Variants in DDX59 observed in about 807,000 individuals in gnomAD.
DDX59 encodes the protein probable ATP-dependent RNA helicase DDX59.
A neutral mutation model predicts 51.9 loss-of-function variants in DDX59; 30 were observed. That is an observed-to-expected ratio of 0.58 (90% CI 0.43 to 0.78). The LOEUF is 0.78. DDX59 is among the 30% of genes least tolerant of loss of function. The pLI is 0.00. For synonymous variants in DDX59, 255 were observed against 253.3 expected (o/e 1.01, Z -0.06); for missense variants, 672 against 730.8 (o/e 0.92, Z 0.93).
At chr1:200,668,222 G>A (rs1421966610) in intron 1 of DDX59, among the ~76,000 whole-genome samples, 2 of 152,012 alleles carry the variant, frequency 1.3e-5, no homozygotes, top group East Asian at 3.9e-4. Context: ...GCAGGAGAAT[G>A]GCGTGAACCC....
chr1:200,654,465 TG>T (rs918568908), intron 4 of DDX59: 4 of 152,098 alleles, frequency 2.6e-5, no homozygotes, highest in Admixed American at 6.5e-5. Context: ...TAGAGATTCC[TG>T]GCTCCAACTC....
chr1:200,658,431 A>G (rs1238965618), intron 4 of DDX59, among the ~76,000 whole-genome samples: 3 of 152,206 alleles, frequency 2.0e-5, no homozygotes, highest in Non-Finnish European at 4.4e-5. Flanking sequence ...ATGGTGGTTC[A>G]TGCCTATAAT....
chr1:200,662,446 G>A (rs994904587), intron 3 of DDX59, among the ~76,000 whole-genome samples: 2 of 152,140 alleles, frequency 1.3e-5, no homozygotes, highest in African/African-American at 4.8e-5. Context: ...CCTGAGCTCA[G>A]GAGTTTGAGA....
chr1:200,667,947 G>C (rs887633619), intron 1 of DDX59, among the ~76,000 whole-genome samples: 7 of 151,548 alleles, frequency 4.6e-5, no homozygotes, highest in Non-Finnish European at 7.4e-5. Context: ...ATGAAAAAAC[G>C]TGTGTGTGTG....
chr1:200,644,480 G>A lies in DDX59; in HGVS notation c.1634C>T (p.Ala545Val), dbSNP rs753527075. 5.0e-6 allele frequency: 8 copies of A among 1,597,552 alleles called. No individual in the cohort carries two copies. The highest frequency in any genetic ancestry group is 1.7e-4 in the Middle Eastern group (1 of 6,040). The change falls in exon 8 of 8, where the codon GCG becomes GTG. Residue 545 changes from alanine to valine, a missense_variant. Physicochemically the swap from Ala to Val is moderately conservative, Grantham distance 64. Transcript: ENST00000331314. ...RVGRLGQNGT[A>V]ITFINNNSKR... ...TGAATTATTATTGATGAAAGTAATC[G>A]CTGTTCCATTTTGACCTAATCTTCC...
chr1:200,646,205 G>A (rs1661282319), intron 7 of DDX59, among the ~76,000 whole-genome samples: 1 of 152,064 alleles, frequency 6.6e-6, no homozygotes, highest in Non-Finnish European at 1.5e-5. Context: ...GTGGTGGCAT[G>A]TACTTGTAGT....
chr1:200,667,258 G>A (rs934822572), intron 1 of DDX59, among the ~76,000 whole-genome samples: 2 of 152,066 alleles, frequency 1.3e-5, no homozygotes, highest in Admixed American at 6.6e-5. Flanking sequence ...AAAATTAGCT[G>A]GGCATGGTGG....
At chr1:200,662,095 A>G (rs1003315841) in intron 3 of DDX59, among the ~76,000 whole-genome samples, 1 of 152,194 alleles carries the variant, frequency 6.6e-6, no homozygotes, top group Non-Finnish European at 1.5e-5. Context: ...GGCAGAAGCC[A>G]CTATGCTTCC....
chr1:200,659,264 T>C (rs1662229320), intron 3 of DDX59, 148 bp from the exon 4 acceptor site: 2 of 608,300 alleles, frequency 3.3e-6, no homozygotes, highest in Non-Finnish European at 5.9e-6. Flanking sequence ...TAGTCTCTGC[T>C]CTCATGAAAC....
chr1:200,663,896 C>A, intron 3 of DDX59, 23 bp downstream of exon 3: 1 of 1,530,986 alleles, frequency 6.5e-7, no homozygotes, highest in Non-Finnish European at 8.8e-7. Flanking sequence ...TTTTCAAAGA[C>A]ATTGTATCAA....
At chr1:200,658,351 T>C (rs778123072) in intron 4 of DDX59, among the ~76,000 whole-genome samples, 13 of 151,210 alleles carry the variant, frequency 8.6e-5, no homozygotes, top group Admixed American at 4.0e-4. Flanking sequence ...ATATGTAACA[T>C]AGAAAATCAG....
chr1:200,665,053 T>G (rs939826329), intron 2 of DDX59, among the ~76,000 whole-genome samples: 14 of 152,234 alleles, frequency 9.2e-5, no homozygotes, highest in Admixed American at 6.5e-4. Context: ...GAAATAGTAA[T>G]TACTCAAAAT....
rs773629747 is a variant in DDX59, at chr1:200,666,447, C to T, written c.294G>A (p.Gln98=). The change falls in exon 2 of 8, where the codon CAG becomes CAA. Residue 98 remains glutamine, a synonymous_variant. Transcript: ENST00000331314. ...TGGGTTCCCCTGGTTCTGCCCAGCG[C>T]TGTGTTTTGGAAAATGACTTAACGG... ...EEPVKSFSKT[Q]RWAEPGEPIC... is the part of the protein sequence containing the mutation. The T allele has an allele frequency of 6.2e-7, 1 of 1,614,200 alleles. No individual in the cohort carries two copies.
intron 4 of DDX59, among the ~76,000 whole-genome samples, chr1:200,652,693 A>G (rs1661744903): frequency 7.8e-6 from 1 of 128,888 alleles, no homozygotes; most frequent in Admixed American, 8.4e-5. Context: ...TTTTTGAGAC[A>G]GGGTCTTGCT....
intron 3 of DDX59, among the ~76,000 whole-genome samples, chr1:200,663,642 A>T (rs1662515726): frequency 6.6e-6 from 1 of 152,200 alleles, no homozygotes; most frequent in African/African-American, 2.4e-5. Flanking sequence ...GGATTATGCC[A>T]ACCCACCTTC....
intron 4 of DDX59, among the ~76,000 whole-genome samples, chr1:200,655,735 C>T (rs1022668610): frequency 3.3e-5 from 5 of 152,148 alleles, no homozygotes; most frequent in Non-Finnish European, 4.4e-5. Context: ...AATCCCATTA[C>T]CTCTAAGAAG....
chr1:200,657,366 CTAATGA>C (rs1370597345), intron 4 of DDX59, among the ~76,000 whole-genome samples: 1 of 151,904 alleles, frequency 6.6e-6, no homozygotes, highest in Non-Finnish European at 1.5e-5. Context: ...ACAGTATTGT[CTAATGA>C]TAATCAGATT....
chr1:200,649,121 A>G lies in DDX59; in HGVS notation c.1420T>C (p.Ser474Pro). ...VQKITGLKSISIHSEKSQIER... is the reference protein window; with the variant it reads ...VQKITGLKSIPIHSEKSQIER... ...ATTTGCGACTTCTCTGAATGTATAG[A>G]TATGCTTTTCAGCCCTGTGATTTTC... Residue 474 changes from serine to proline, a missense_variant, in exon 6 of 8, where the codon TCT becomes CCT. Ser to Pro is a moderately conservative substitution (Grantham distance 74). Coordinates refer to ENST00000331314, the MANE Select transcript of DDX59 (RefSeq NM_001031725.6). 6.3e-7 allele frequency: 1 copy of G among 1,587,428 alleles called. No homozygotes were observed.
Position 200,662,075 on chromosome 1 carries a change from C to A in DDX59, c.972+1844G>T, listed in dbSNP as rs908939137. Among the ~76,000 whole-genome samples the A allele has an allele frequency of 2.0e-5, 3 of 152,164 alleles. 1 individual carries two copies. Among genetic ancestry groups the A allele is most frequent in the Admixed American group, 1.3e-4 (2 of 15,276 alleles). On this transcript the variant is annotated intron_variant, in intron 3 of 7. Coordinates refer to ENST00000331314, the MANE Select transcript of DDX59 (RefSeq NM_001031725.6). The stretch of plus-strand genomic sequence containing the variant: ...TGCCATGATTGGAAGCTTCCTGAGG[C>A]CTCCTTAGAGGCAGAAGCCACTATG...
Sources: allele counts gnomAD v4.1 joint callset (sites outside exome capture counted in the v4.1 genomes callset), GRCh38; gene constraint gnomAD v4.1.1; transcripts MANE v1.5; gene names NCBI Gene and HGNC (gene_info 2026-07-23, HGNC 2026-07-21).